Variants in PROP1 observed in about 807,000 individuals in gnomAD.
The protein encoded by PROP1 is PROP paired-like homeobox 1.
A neutral mutation model predicts 22.3 loss-of-function variants in PROP1; 12 were observed. That is an observed-to-expected ratio of 0.54 (90% CI 0.34 to 0.87). PROP1 has a LOEUF of 0.87. PROP1 is among the 40% of genes least tolerant of loss of function. The pLI is 0.01. For missense variants in PROP1, 278 were observed against 295.1 expected, an observed-to-expected ratio of 0.94 and a Z score of 0.43; for synonymous variants, 112 against 116.7, an observed-to-expected ratio of 0.96 and a Z score of 0.26.
At position 177,992,333 on chromosome 5, in the gene PROP1, C is replaced by A; in HGVS notation, c.*376G>T. 1 of 237,338 alleles carries A rather than the reference C, an allele frequency of 4.2e-6. No homozygotes were observed. The highest frequency in any genetic ancestry group is 1.5e-3 in the Middle Eastern group (1 of 656). 14.7% of individuals were successfully genotyped at this position (237,338 alleles called of 1,614,324 possible). The stretch of plus-strand genomic sequence containing the variant: ...GGGATGTATAGGTAGACTCTTAAGT[C>A]AGAAGCCTTACTGAAATCAGCCAGA... On this transcript the variant is annotated 3_prime_UTR_variant, in exon 3 of 3. Transcript: ENST00000308304.
rs1184808473 is a variant in PROP1, at chr5:177,995,811, G to A, written c.109+14C>T. On this transcript the variant is annotated intron_variant, in intron 1 of 2. Transcript: ENST00000308304. Reference sequence around the variant, plus strand: ...CCTCCTCAGGGACCCACGCACACCGGGACGGTCACTCACCCACCGTGGTGG... The same window carrying A: ...CCTCCTCAGGGACCCACGCACACCGAGACGGTCACTCACCCACCGTGGTGG... 118 of 1,605,522 alleles carry A rather than the reference G, an allele frequency of 7.3e-5. No homozygotes were observed. The highest frequency in any genetic ancestry group is 1.0e-4 in the Non-Finnish European group (117 of 1,173,360).
Position 177,995,762 on chromosome 5 carries a change from A to G in PROP1, c.109+63T>C, listed in dbSNP as rs930629335. On this transcript the variant is annotated intron_variant, in intron 1 of 2. Transcript: ENST00000308304. The stretch of plus-strand genomic sequence containing the variant: ...CCTCCTAACCTTCTTCATGGAGCCT[A>G]TGCTTTCAGCCTCACACCCGCTGCC... The G allele has an allele frequency of 8.6e-6, 11 of 1,280,618 alleles. No homozygotes were observed. The Middle Eastern group carries it at 6.4e-4, about 75-fold the overall frequency. 79.3% of individuals were successfully genotyped at this position (1,280,618 alleles called of 1,614,324 possible). A position where few individuals can be genotyped will look rare whatever the true frequency, so the allele number is the denominator to read the frequency against.
At position 177,992,610 on chromosome 5, in the gene PROP1, C is replaced by T; in HGVS notation, c.*99G>A. 1 of 763,514 alleles carries T rather than the reference C, an allele frequency of 1.3e-6. No individual in the cohort carries two copies. 47.3% of individuals were successfully genotyped at this position (763,514 alleles called of 1,614,324 possible). On this transcript the variant is annotated 3_prime_UTR_variant, in exon 3 of 3. Transcript: ENST00000308304. Reference sequence around the variant, plus strand: ...AATCGCTGAGCTGACCCTCACCATGCATCTGCTTCACCCATAGATGGAAAG... The same window carrying T: ...AATCGCTGAGCTGACCCTCACCATGTATCTGCTTCACCCATAGATGGAAAG...
intron 1 of PROP1, among the ~76,000 whole-genome samples, chr5:177,995,483 C>T (rs1186601983): frequency 6.6e-6 from 1 of 151,892 alleles, no homozygotes; most frequent in African/African-American, 2.4e-5. Context: ...GCCCTCCCGC[C>T]CTGGACCCAA....
Position 177,996,143 on chromosome 5 carries a change from T to G in PROP1, c.-210A>C, listed in dbSNP as rs13187293. 0.32 allele frequency: 193,466 copies of G among 599,268 alleles called. 32,182 individuals carry two copies. Among genetic ancestry groups the G allele is most frequent in the East Asian group, 0.46 (16,319 of 35,328 alleles). 37.1% of individuals were successfully genotyped at this position (599,268 alleles called of 1,614,324 possible). ...TTCTAATTGTTTCCTAATTCCCCCTTCCTTGGCTTGAGTGTCAGCTCAATC... is the reference window on the plus strand; with the variant it reads ...TTCTAATTGTTTCCTAATTCCCCCTGCCTTGGCTTGAGTGTCAGCTCAATC... On this transcript the variant is annotated 5_prime_UTR_variant, in exon 1 of 3. Transcript: ENST00000308304.
Position 177,992,998 on chromosome 5 carries a change from A to G in PROP1, c.392T>C (p.Leu131Pro). 6 of 1,614,042 alleles carry G rather than the reference A, an allele frequency of 3.7e-6. No individual in the cohort carries two copies. The highest frequency in any genetic ancestry group is 5.1e-6 in the Non-Finnish European group (6 of 1,180,002). The change falls in exon 3 of 3, where the codon CTG becomes CCG. Residue 131 changes from leucine (L) to proline (P), a missense_variant. Physicochemically the swap from Leu to Pro is moderately conservative, Grantham distance 98. Transcript: ENST00000308304. The part of the protein sequence containing the change: ...RAKQRKQERS[L>P]LQPLAHLSPA... The stretch of plus-strand genomic sequence containing the variant: ...AGACAGATGGGCCAGAGGCTGAAGC[A>G]GTGAGCGCTCTTGCTTCCGTTGCTT...
rs760446926 is a variant in PROP1, at chr5:177,995,883, G to C, written c.51C>G (p.Val17=). The change falls in exon 1 of 3, where the codon GTC becomes GTG. Residue 17 remains valine, a synonymous_variant. Coordinates refer to ENST00000308304, the MANE Select transcript of PROP1 (RefSeq NM_006261.5). ...RQAEKPKKGR[V]GSNLLPERHP... The stretch of plus-strand genomic sequence containing the variant: ...GTCTCTCAGGCAACAGGTTGCTGCC[G>C]ACTCGCCCCTTCTTTGGCTTCTCAG... 1 of 1,614,030 alleles carries C rather than the reference G, an allele frequency of 6.2e-7. No individual in the cohort carries two copies. The highest frequency in any genetic ancestry group is 8.5e-7 in the Non-Finnish European group (1 of 1,180,028).
rs764753875 is a variant in PROP1 at position 177,995,891 on chromosome 5, C to T, written c.43G>A (p.Gly15Arg). ...GGCAACAGGTTGCTGCCGACTCGCC[C>T]CTTCTTTGGCTTCTCAGCCTGGCGC... Reference protein sequence around the residue: ...RRRQAEKPKKGRVGSNLLPER... With the variant: ...RRRQAEKPKKRRVGSNLLPER... Residue 15 changes from glycine to arginine, a missense_variant, in exon 1 of 3, where the codon GGG (glycine) becomes AGG (arginine). Transcript: ENST00000308304. 1 of 1,614,086 alleles carries T rather than the reference C, an allele frequency of 6.2e-7. No individual in the cohort carries two copies. The highest frequency in any genetic ancestry group is 8.5e-7 in the Non-Finnish European group (1 of 1,180,030).
At chr5:177,994,003 G>T in intron 2 of PROP1, 103 bp downstream of exon 2, 2 of 1,239,686 alleles carry the variant, frequency 1.6e-6, no homozygotes, top group Non-Finnish European at 2.4e-6. Flanking sequence ...TGAGGCCTGT[G>T]TCTGGTGACC....
At chr5:177,995,719 A>T in intron 1 of PROP1, 106 bp downstream of exon 1, 1 of 872,662 alleles carries the variant, frequency 1.1e-6, no homozygotes. Context: ...ACATGATAGG[A>T]TTCGGGTTTT....
Position 177,992,821 on chromosome 5 carries a change from T to G in PROP1, c.569A>C (p.Gln190Pro). ...STGGAFALSHQSEDWYPTLHP... is the reference protein window; with the variant it reads ...STGGAFALSHPSEDWYPTLHP... ...CAAGGTAGGGTACCAGTCCTCAGAC[T>G]GGTGTGACAAAGCAAAGGCGCCTCC... The change falls in exon 3 of 3, where the codon CAG becomes CCG. Residue 190 changes from glutamine (Q) to proline (P), a missense_variant. Physicochemically the swap from Gln to Pro is moderately conservative, Grantham distance 76. Transcript: ENST00000308304. The G allele has an allele frequency of 3.1e-6, 5 of 1,610,118 alleles. No homozygotes were observed. Among genetic ancestry groups the G allele is most frequent in the Non-Finnish European group, 4.2e-6 (5 of 1,177,960 alleles).
At position 177,994,292 on chromosome 5, in the gene PROP1, C is replaced by T. The variant is rs781247441; in HGVS notation, c.156G>A (p.Gly52=). Residue 52 remains glycine, a synonymous_variant, in exon 2 of 3, where the codon GGG becomes GGA. Transcript: ENST00000308304. ...PCRRLPGAGG[G]RSRFSPQGGQ... ...CTCCTTGCGGGGAGAACCTTGATCT[C>T]CCCCCTCCTGCACCAGGGAGCCTTC... 3 of 1,612,000 alleles carry T rather than the reference C, an allele frequency of 1.9e-6. No homozygotes were observed. Among genetic ancestry groups the T allele is most frequent in the Non-Finnish European group, 2.5e-6 (3 of 1,178,736 alleles).
Position 177,994,297 on chromosome 5 carries a change from C to T in PROP1, c.151G>A (p.Gly51Arg), listed in dbSNP as rs995937296. The T allele has an allele frequency of 2.2e-5, 36 of 1,611,834 alleles. No homozygotes were observed. Among genetic ancestry groups the T allele is most frequent in the Admixed American group, 5.0e-5 (3 of 59,654 alleles). Residue 51 changes from glycine to arginine, a missense_variant, in exon 2 of 3, where the codon GGG (glycine) becomes AGG (arginine). Physicochemically the swap from Gly to Arg is moderately radical, Grantham distance 125 (BLOSUM62 -2). Transcript: ENST00000308304. ...TGCGGGGAGAACCTTGATCTCCCCC[C>T]TCCTGCACCAGGGAGCCTTCTGCAG... ...PPCRRLPGAGGGRSRFSPQGG... is the reference protein window; with the variant it reads ...PPCRRLPGAGRGRSRFSPQGG...
At chr5:177,995,684 ACTTTC>A in intron 1 of PROP1, 136 bp downstream of exon 1, 2 of 713,104 alleles carry the variant, frequency 2.8e-6, no homozygotes, top group Non-Finnish European at 4.8e-6. Context: ...AGTCCCTTTT[ACTTTC>A]AAAGGTTCCC....
chr5:177,996,235 C>G lies in PROP1; in HGVS notation c.-302G>C. On this transcript the variant is annotated 5_prime_UTR_variant, in exon 1 of 3. Coordinates refer to ENST00000308304, the MANE Select transcript of PROP1 (RefSeq NM_006261.5). ...TTCTCTGCCTGGCCCTTCTCCCCAC[C>G]GGGATGCTGCTCCCTTCTGTCAGCT... The G allele has an allele frequency of 2.3e-6, 1 of 443,556 alleles. No individual in the cohort carries two copies. Among genetic ancestry groups the G allele is most frequent in the Non-Finnish European group, 4.2e-6 (1 of 239,376 alleles). 27.5% of individuals were successfully genotyped at this position (443,556 alleles called of 1,614,324 possible). A position where few individuals can be genotyped will look rare whatever the true frequency, so the allele number is the denominator to read the frequency against.
At chr5:177,993,100 AC>A (rs1295821545) in intron 2 of PROP1, 53 bp from the exon 3 acceptor site, 7 of 1,465,600 alleles carry the variant, frequency 4.8e-6, no homozygotes. Flanking sequence ...AGGTGGTGAC[AC>A]CCTACTCCAA....
chr5:177,994,613 AT>A (rs980750037), intron 1 of PROP1, among the ~76,000 whole-genome samples: 1 of 152,080 alleles, frequency 6.6e-6, no homozygotes, highest in Admixed American at 6.5e-5. Flanking sequence ...AATTAAAAAA[AT>A]AAAAAATTAG....
rs980821624 is a variant in PROP1, at chr5:177,992,533, C to T, written c.*176G>A. 1.0e-4 allele frequency: 61 copies of T among 604,050 alleles called. No homozygotes were observed. Among genetic ancestry groups the T allele is most frequent in the Non-Finnish European group, 1.5e-4 (51 of 343,604 alleles). 37.4% of individuals were successfully genotyped at this position (604,050 alleles called of 1,614,324 possible). ...AGTAGCTCACCTCCCCAGACTTCCT[C>T]CACTAATCACCCCAGTGAGAATTCA... On this transcript the variant is annotated 3_prime_UTR_variant, in exon 3 of 3. Coordinates refer to ENST00000308304, the MANE Select transcript of PROP1 (RefSeq NM_006261.5).
chr5:177,992,665 G>T lies in PROP1; in HGVS notation c.*44C>A. On this transcript the variant is annotated 3_prime_UTR_variant, in exon 3 of 3. Transcript: ENST00000308304. ...CCACCCCATTTTCTTGTCTTTTCAC[G>T]AGGGCCGCAGGCTGGGGATCACCTT... 1 of 1,374,016 alleles carries T rather than the reference G, an allele frequency of 7.3e-7. No homozygotes were observed. Among genetic ancestry groups the T allele is most frequent in the Non-Finnish European group, 1.0e-6 (1 of 993,964 alleles). The allele number at this position is 1,374,016 out of a possible 1,614,324, so 85.1% of individuals were successfully genotyped here.
Sources: allele counts gnomAD v4.1 joint callset (sites outside exome capture counted in the v4.1 genomes callset), GRCh38; gene constraint gnomAD v4.1.1; transcripts MANE v1.5; gene names NCBI Gene and HGNC (gene_info 2026-07-23, HGNC 2026-07-21).